KEL: variants seen among roughly 807,000 people sequenced by gnomAD.
KEL encodes the protein kell blood group glycoprotein.
KEL carries 96 observed loss-of-function variants against 99.5 expected under a neutral mutation model. That is an observed-to-expected ratio of 0.97 (90% confidence interval 0.82 to 1.14). The LOEUF is 1.14. Ranked by LOEUF, KEL falls within the 50% of genes most tolerant of loss-of-function variation. The probability of loss-of-function intolerance (pLI) is 0.00; values close to 1 mark genes in which losing one functional copy is unlikely to be tolerated. For synonymous variants in KEL, 355 were observed against 354.8 expected, an observed-to-expected ratio of 1.00 and a Z score of -0.01; for missense variants, 926 against 924.2, an observed-to-expected ratio of 1.00 and a Z score of -0.03.
chr7:142,944,892 AC>A, intron 11 of KEL, 151 bp from the exon 12 acceptor site: 1 of 697,926 alleles, frequency 1.4e-6, no homozygotes, highest in Non-Finnish European at 2.6e-6. Context: ...AACTAAAGCA[AC>A]TAAAGGATCT....
chr7:142,942,520 T>G lies in KEL; in HGVS notation c.1951A>C (p.Lys651Gln). Residue 651 changes from lysine (K) to glutamine (Q), a missense_variant, in exon 18 of 19, where the codon AAG becomes CAG. By Grantham distance (53) the Lys-to-Gln change is moderately conservative. Transcript: ENST00000355265. ...TCCCCATGGTGCCGTAACAGCCTCT[T>G]GCTGTATGCCTGGGTAGGGGTGGGT... ...GLAIALQAYS[K>Q]RLLRHHGETV... The G allele has an allele frequency of 1.2e-6, 2 of 1,607,102 alleles. No homozygotes were observed. The highest frequency in any genetic ancestry group is 1.7e-6 in the Non-Finnish European group (2 of 1,176,484).
chr7:142,941,171 G>A lies in KEL; in HGVS notation c.*81C>T. The A allele has an allele frequency of 6.7e-7, 1 of 1,486,048 alleles. No homozygotes were observed. Among genetic ancestry groups the A allele is most frequent in the African/African-American group, 1.4e-5 (1 of 72,488 alleles). The allele number at this position is 1,486,048 out of a possible 1,614,324, so 92.1% of individuals were successfully genotyped here. On this transcript the variant is annotated 3_prime_UTR_variant, in exon 19 of 19. Coordinates refer to ENST00000355265, the MANE Select transcript of KEL (RefSeq NM_000420.3). Reference sequence around the variant, plus strand: ...TTATTTTTGGAACAGAAGCAGAAAGGAAATCTTGCTCTGATTCCATGGATG... The same window carrying A: ...TTATTTTTGGAACAGAAGCAGAAAGAAAATCTTGCTCTGATTCCATGGATG...
intron 9 of KEL, chr7:142,953,243 AC>A: frequency 1.7e-6 from 1 of 579,142 alleles, no homozygotes. Flanking sequence ...CATGTCCCCA[AC>A]CCCAACACCC....
chr7:142,961,555 A>T, intron 2 of KEL, 54 bp from the exon 3 acceptor site: 1 of 1,547,048 alleles, frequency 6.5e-7, no homozygotes, highest in Non-Finnish European at 8.8e-7. Context: ...AGAGACAGGG[A>T]TGGGAAGAAG....
Position 142,943,514 on chromosome 7 carries a change from G to T in KEL, c.1675C>A (p.Pro559Thr). The change falls in exon 15 of 19, where the codon CCC becomes ACC. Residue 559 changes from proline to threonine, a missense_variant. Physicochemically the swap from Pro to Thr is conservative, Grantham distance 38. Transcript: ENST00000355265. ...GGATAGCCAGGGTGGAAGAATGGGGGTTGGAGGAGTCCAGCTGGAAAGACT... is the reference window on the plus strand; with the variant it reads ...GGATAGCCAGGGTGGAAGAATGGGGTTTGGAGGAGTCCAGCTGGAAAGACT... ...VVVFPAGLLQPPFFHPGYPRA... is the reference protein window; with the variant it reads ...VVVFPAGLLQTPFFHPGYPRA... 6.2e-7 allele frequency: 1 copy of T among 1,614,102 alleles called. No homozygotes were observed. The highest frequency in any genetic ancestry group is 1.1e-5 in the South Asian group (1 of 91,082).
rs1796880787 is a variant in KEL, at chr7:142,958,387, C to T, written c.442G>A (p.Ala148Thr). 6.2e-7 allele frequency: 1 copy of T among 1,614,146 alleles called. No homozygotes were observed. The highest frequency in any genetic ancestry group is 1.7e-5 in the Admixed American group (1 of 60,026). ...ATGCAGGAGTTGTAGAACTGGAAGGCTTTCTCCTCCCCAGAGCCTGGGTGC... is the reference window on the plus strand; with the variant it reads ...ATGCAGGAGTTGTAGAACTGGAAGGTTTTCTCCTCCCCAGAGCCTGGGTGC... ...SWHPGSGEEK[A>T]FQFYNSCMDT... Residue 148 changes from alanine (A) to threonine (T), a missense_variant, in exon 5 of 19, where the codon GCC becomes ACC. Ala to Thr is a moderately conservative substitution (Grantham distance 58, BLOSUM62 0). Transcript: ENST00000355265.
At chr7:142,952,395 G>A (rs1218337918) in intron 10 of KEL, 114 bp downstream of exon 10, 16 of 1,352,544 alleles carry the variant, frequency 1.2e-5, no homozygotes, top group Middle Eastern at 2.5e-4. Flanking sequence ...AAGACATGGA[G>A]GGGCATCTAC....
At chr7:142,942,843 C>T in intron 17 of KEL, 32 bp downstream of exon 17, 1 of 1,612,760 alleles carries the variant, frequency 6.2e-7, no homozygotes, top group South Asian at 1.1e-5. Flanking sequence ...TCTGCCAGTA[C>T]ACATAAACTG....
At chr7:142,942,833 T>A in intron 17 of KEL, 42 bp downstream of exon 17, 1 of 1,610,472 alleles carries the variant, frequency 6.2e-7, no homozygotes, top group Non-Finnish European at 8.5e-7. Flanking sequence ...TGTTTTCTAG[T>A]CTGCCAGTAC....
chr7:142,959,137 T>G (rs918138001), intron 4 of KEL, among the ~76,000 whole-genome samples: 2 of 152,230 alleles, frequency 1.3e-5, no homozygotes, highest in Admixed American at 6.5e-5. Context: ...GTCACTCATA[T>G]TTGGCTCAAA....
chr7:142,957,830 G>T lies in KEL; in HGVS notation c.669C>A (p.Ile223=), dbSNP rs200773544. The change falls in exon 6 of 19, where the codon ATC becomes ATA. Residue 223 remains isoleucine, a synonymous_variant. Coordinates refer to ENST00000355265, the MANE Select transcript of KEL (RefSeq NM_000420.3). ...TCTTCGCCAGTGCATCCCTCACCTG[G>T]ATGACTGGTGTGTGTGGAGAGGCAG... The part of the protein sequence containing the change: ...PHPASPHTPV[I]QIDQPEFDVP... 1.9e-6 allele frequency: 3 copies of T among 1,614,118 alleles called. No individual in the cohort carries two copies. The highest frequency in any genetic ancestry group is 1.7e-6 in the Non-Finnish European group (2 of 1,180,014).
intron 18 of KEL, chr7:142,942,108 C>G (rs752929113): frequency 9.9e-6 from 4 of 405,914 alleles, no homozygotes; most frequent in Non-Finnish European, 1.8e-5. Context: ...TGTGCCCAAC[C>G]ACAGGCTCAT....
chr7:142,957,619 T>C (rs1796857190), intron 6 of KEL, among the ~76,000 whole-genome samples: 1 of 152,200 alleles, frequency 6.6e-6, no homozygotes, highest in African/African-American at 2.4e-5. Context: ...CCTACTTCTG[T>C]CTTCCCAGCA....
chr7:142,962,211 C>A lies in KEL; in HGVS notation c.-5G>T. On this transcript the variant is annotated 5_prime_UTR_variant, in exon 1 of 19. Transcript: ENST00000355265. ...CTCCAAAAGGGGACTTACCATCTGT[C>A]TATCTTCTGTGGCTCCAGAATCCTT... 1.2e-6 allele frequency: 2 copies of A among 1,614,168 alleles called. No individual in the cohort carries two copies. Among genetic ancestry groups the A allele is most frequent in the Non-Finnish European group, 1.7e-6 (2 of 1,180,004 alleles).
Position 142,961,892 on chromosome 7 carries a change from AAGG to A in KEL, c.4-23_4-21del, listed in dbSNP as rs749605153. The A allele has an allele frequency of 1.9e-6, 3 of 1,612,840 alleles. No individual in the cohort carries two copies. The highest frequency in any genetic ancestry group is 2.2e-5 in the East Asian group (1 of 44,850). On this transcript the variant is annotated intron_variant, in intron 1 of 18. Coordinates refer to ENST00000355265, the MANE Select transcript of KEL (RefSeq NM_000420.3). ...ACCTTCCTGAAGTGAGTGGAGGGAGAAGGAGGAGAGAGAAGCTGGTTCAGGAAA... is the reference window on the plus strand; with the variant it reads ...ACCTTCCTGAAGTGAGTGGAGGGAGAAGGAGAGAGAAGCTGGTTCAGGAAA...
intron 10 of KEL, chr7:142,946,701 G>A (rs923038788): frequency 6.5e-6 from 2 of 307,598 alleles, no homozygotes; most frequent in Non-Finnish European, 1.2e-5. Flanking sequence ...TCCCAGCAAT[G>A]ACTTCCATCC....
chr7:142,942,800 G>A (rs1285159043), intron 17 of KEL, 75 bp downstream of exon 17: 12 of 1,556,188 alleles, frequency 7.7e-6, no homozygotes, highest in South Asian at 1.1e-5. Context: ...TGTCAGGAAT[G>A]GTGGAAGGAA....
At chr7:142,948,329 G>T (rs911715020) in intron 10 of KEL, among the ~76,000 whole-genome samples, 11 of 152,020 alleles carry the variant, frequency 7.2e-5, no homozygotes, top group Non-Finnish European at 1.6e-4. Context: ...ATAAACAATA[G>T]AAGAAATACT....
chr7:142,958,352 A>G lies in KEL; in HGVS notation c.477T>C (p.Leu159=), dbSNP rs1796878888. 6.2e-7 allele frequency: 1 copy of G among 1,614,124 alleles called. No homozygotes were observed. Among genetic ancestry groups the G allele is most frequent in the Non-Finnish European group, 8.5e-7 (1 of 1,180,008 alleles). The change falls in exon 5 of 19, where the codon CTT becomes CTC. Residue 159 remains leucine (L), a synonymous_variant. Transcript: ENST00000355265. ...FQFYNSCMDT[L]AIEAAGTGPL... ...GACCAGTCCCTGCAGCTTCAATGGC[A>G]AGTGTATCCATGCAGGAGTTGTAGA...
Sources: allele counts gnomAD v4.1 joint callset (sites outside exome capture counted in the v4.1 genomes callset), GRCh38; gene constraint gnomAD v4.1.1; transcripts MANE v1.5; gene names NCBI Gene and HGNC (gene_info 2026-07-23, HGNC 2026-07-21).